Variants in AACS observed in about 807,000 individuals in gnomAD.
AACS encodes acetoacetyl-CoA synthetase, also known as acetoacetate-CoA ligase.
A neutral mutation model predicts 83.1 loss-of-function variants in AACS; 69 were observed. The observed-to-expected ratio is 0.83, with a 90% CI of 0.68 to 1.01. The LOEUF is 1.01. AACS is among the 50% of genes least tolerant of loss of function. The probability of loss-of-function intolerance (pLI) is 0.00; values close to 1 mark genes in which losing one functional copy is unlikely to be tolerated. For synonymous variants in AACS, 333 were observed against 343.4 expected (o/e 0.97, Z 0.33); for missense variants, 866 against 882.2 (o/e 0.98, Z 0.23).
intron 8 of AACS, among the ~76,000 whole-genome samples, chr12:125,111,816 AT>A (rs1489468658): frequency 6.6e-6 from 1 of 152,238 alleles, no homozygotes; most frequent in Non-Finnish European, 1.5e-5. Context: ...CAGGGAAAGC[AT>A]TCAGACTTGA....
intron 3 of AACS, among the ~76,000 whole-genome samples, chr12:125,079,577 T>G (rs755630556): frequency 7.2e-5 from 11 of 151,890 alleles, no homozygotes; most frequent in Non-Finnish European, 1.6e-4. Flanking sequence ...TTTGTAGAAA[T>G]GAAGTTTTGC....
intron 4 of AACS, among the ~76,000 whole-genome samples, chr12:125,090,038 T>A (rs1441692195): frequency 3.3e-5 from 5 of 150,446 alleles, no homozygotes; most frequent in Non-Finnish European, 7.4e-5. Flanking sequence ...CATTCTTCTC[T>A]CCACCTACCC....
In AACS at chr12:125,103,016, G is replaced by C; in HGVS notation, c.702G>C (p.Lys234Asn). Residue 234 changes from lysine (K) to asparagine (N), a missense_variant, in exon 7 of 18, where the codon AAG becomes AAC. Coordinates refer to ENST00000316519, the MANE Select transcript of AACS (RefSeq NM_023928.5). The stretch of plus-strand genomic sequence containing the variant: ...TCCTTCCAGGCCTACCAGACTTGAA[G>C]AAAGTGGTGGTGATTCCTTATGTGT... ...QQVVKGLPDLKKVVVIPYVSS... is the reference protein window; with the variant it reads ...QQVVKGLPDLNKVVVIPYVSS... 6.2e-7 allele frequency: 1 copy of C among 1,613,876 alleles called. No homozygotes were observed. Among genetic ancestry groups the C allele is most frequent in the Non-Finnish European group, 8.5e-7 (1 of 1,179,988 alleles).
rs926488475 is a variant in AACS at position 125,130,388 on chromosome 12, T to C, written c.1549+928T>C. Among the ~76,000 whole-genome samples, 5 of 152,240 alleles carry C rather than the reference T, an allele frequency of 3.3e-5. No individual in the cohort carries two copies. The East Asian group carries it at 9.6e-4, about 29-fold the overall frequency. On this transcript the variant is annotated intron_variant, in intron 14 of 17. Coordinates refer to ENST00000316519, the MANE Select transcript of AACS (RefSeq NM_023928.5). This position sits in a 1 kb window ranked among gnomAD's most constrained non-coding sequence, Gnocchi z 4.9. Reference sequence around the variant, plus strand: ...CCTTGGCTCCTGCCGTGAGCAGCTGTGCAGACAGACGAATGCAGAAAAGCA... The same window carrying C: ...CCTTGGCTCCTGCCGTGAGCAGCTGCGCAGACAGACGAATGCAGAAAAGCA...
chr12:125,082,357 T>TTA (rs1555222192), intron 3 of AACS, among the ~76,000 whole-genome samples: 1 of 148,696 alleles, frequency 6.7e-6, no homozygotes, highest in Non-Finnish European at 1.5e-5. Context: ...TTTTTTTTTT[T>TTA]AAGAGATGGG....
At chr12:125,078,894 T>TC (rs1383300417) in intron 3 of AACS, among the ~76,000 whole-genome samples, 6 of 150,278 alleles carry the variant, frequency 4.0e-5, no homozygotes, top group Non-Finnish European at 8.8e-5. Context: ...ACGCTGATGT[T>TC]CCGGGGGGCA....
chr12:125,084,406 T>G (rs1168606482), intron 3 of AACS, among the ~76,000 whole-genome samples: 1 of 151,664 alleles, frequency 6.6e-6, no homozygotes, highest in Non-Finnish European at 1.5e-5. Flanking sequence ...TTTCCTTTCC[T>G]TTCTTTCCTT....
At position 125,113,392 on chromosome 12, in the gene AACS, C is replaced by T. The variant is rs566120901; in HGVS notation, c.916-1085C>T. Among the ~76,000 whole-genome samples, 1 of 152,338 alleles carries T rather than the reference C, an allele frequency of 6.6e-6. No individual in the cohort carries two copies. Among genetic ancestry groups the T allele is most frequent in the Admixed American group, 6.5e-5 (1 of 15,304 alleles). ...CAGTGGTCACTGAAGGGGCAGCATC[C>T]CCGTCTGTCCTCAGGATCTTGTACG... On this transcript the variant is annotated intron_variant, in intron 8 of 17. Transcript: ENST00000316519. This position sits in a 1 kb window ranked among gnomAD's most constrained non-coding sequence, Gnocchi z 4.8.
Position 125,086,407 on chromosome 12 carries a change from A to G in AACS, c.436A>G (p.Arg146Gly), listed in dbSNP as rs766339823. Residue 146 changes from arginine to glycine, a missense_variant, in exon 4 of 18, where the codon AGG becomes GGG. Physicochemically the swap from Arg to Gly is moderately radical, Grantham distance 125. Transcript: ENST00000316519. The stretch of plus-strand genomic sequence containing the variant: ...AGTGGCTTTGTTTGCAGCAGCAATG[A>G]GGAAAATGGGTGTGAAGAAAGGAGA... ...QEVALFAAAM[R>G]KMGVKKGDRV... 1.2e-6 allele frequency: 2 copies of G among 1,614,218 alleles called. No individual in the cohort carries two copies. Among genetic ancestry groups the G allele is most frequent in the Non-Finnish European group, 1.7e-6 (2 of 1,180,040 alleles).
chr12:125,097,915 T>G lies in AACS; in HGVS notation c.571-4764T>G, dbSNP rs1369534558. Among the ~76,000 whole-genome samples, 1 of 152,260 alleles carries G rather than the reference T, an allele frequency of 6.6e-6. No individual in the cohort carries two copies. The highest frequency in any genetic ancestry group is 2.4e-5 in the African/African-American group (1 of 41,476). On this transcript the variant is annotated intron_variant, in intron 5 of 17. Coordinates refer to ENST00000316519, the MANE Select transcript of AACS (RefSeq NM_023928.5). The surrounding 1 kb of genome is among the most constrained non-coding windows in gnomAD (Gnocchi z 4.3). ...TCCTTCATACGTTTGATTGAGCGGT[T>G]CCTCGGTTCCTCTGTGACCCCGGCT... is the stretch of plus-strand genomic sequence containing the variant.
At chr12:125,103,428 A>G (rs1956758764) in intron 7 of AACS, among the ~76,000 whole-genome samples, 1 of 149,192 alleles carries the variant, frequency 6.7e-6, no homozygotes, top group South Asian at 2.1e-4. Context: ...CACATGGTGC[A>G]TGCACTGCAC....
chr12:125,117,915 T>G (rs1441115321), intron 9 of AACS: 1 of 150,658 alleles, frequency 6.6e-6, no homozygotes, highest in African/African-American at 2.4e-5. Context: ...GGTTAGGAGG[T>G]CGAGGCTGCA....
chr12:125,103,405 T>C (rs944251821), intron 7 of AACS, among the ~76,000 whole-genome samples: 1 of 152,186 alleles, frequency 6.6e-6, no homozygotes, highest in Non-Finnish European at 1.5e-5. Flanking sequence ...GAAATCATGT[T>C]TACATGTATG....
chr12:125,081,975 A>C (rs1956199843), intron 3 of AACS, among the ~76,000 whole-genome samples: 1 of 151,420 alleles, frequency 6.6e-6, no homozygotes, highest in Non-Finnish European at 1.5e-5. Flanking sequence ...TCCTGGCTTC[A>C]AGATATTCTT....
At chr12:125,105,348 T>G (rs1286081088) in intron 7 of AACS, 1 of 152,190 alleles carries the variant, frequency 6.6e-6, no homozygotes, top group Non-Finnish European at 1.5e-5. Context: ...TGAGTCAGGG[T>G]GGGCAGATTC....
At chr12:125,103,992 A>AAAAAAAG (rs1956778207) in intron 7 of AACS, among the ~76,000 whole-genome samples, 1 of 114,638 alleles carries the variant, frequency 8.7e-6, no homozygotes, top group South Asian at 2.5e-4. Flanking sequence ...CGTCTCAAAA[A>AAAAAAAG]AAAAAAAAAA....
chr12:125,138,230 G>A (rs1957427946), intron 17 of AACS: 1 of 152,376 alleles, frequency 6.6e-6, no homozygotes, highest in African/African-American at 2.4e-5. Flanking sequence ...GCCCGCATCT[G>A]CGGTGTTGGT....
intron 3 of AACS, chr12:125,078,090 C>T: frequency 2.2e-6 from 1 of 455,536 alleles, no homozygotes; most frequent in South Asian, 1.5e-5. Context: ...TTCACTCACT[C>T]CCTAGATCAG....
intron 9 of AACS, among the ~76,000 whole-genome samples, chr12:125,114,778 T>C (rs930219727): frequency 1.3e-5 from 2 of 148,824 alleles, no homozygotes; most frequent in Non-Finnish European, 3.0e-5. Context: ...CCGTGGCACA[T>C]GTTAAGGGCT....
Sources: allele counts gnomAD v4.1 joint callset (sites outside exome capture counted in the v4.1 genomes callset), GRCh38; gene constraint gnomAD v4.1.1; non-coding constraint Gnocchi (gnomAD v3.1); transcripts MANE v1.5; gene names NCBI Gene and HGNC (gene_info 2026-07-23, HGNC 2026-07-21).